The following JPH2 variants were observed in gnomAD, a reference collection of about 807,000 sequenced individuals.
The protein encoded by JPH2 is junctophilin-2.
A neutral mutation model predicts 55.9 loss-of-function variants in JPH2; 38 were observed. That is an observed-to-expected ratio of 0.68 (90% CI 0.52 to 0.89). The LOEUF is 0.89. Ranked by LOEUF, JPH2 falls within the 40% of genes least tolerant of loss-of-function variation. The pLI is 0.00. For synonymous variants in JPH2, 480 were observed against 472.4 expected, an observed-to-expected ratio of 1.02 and a Z score of -0.21; for missense variants, 964 against 1,037.6, an observed-to-expected ratio of 0.93 and a Z score of 0.97.
chr20:44,117,694 G>A (rs570591821), intron 3 of JPH2, among the ~76,000 whole-genome samples: 1 of 152,276 alleles, frequency 6.6e-6, no homozygotes, highest in Admixed American at 6.5e-5. Context: ...TGTTCAGCCT[G>A]CAAGATTCAG....
intron 2 of JPH2, among the ~76,000 whole-genome samples, chr20:44,126,261 G>A (rs2072276670): frequency 6.6e-6 from 1 of 151,912 alleles, no homozygotes; most frequent in South Asian, 2.1e-4. Flanking sequence ...AATCCTGAAT[G>A]TCCTAAATGC....
At chr20:44,163,857 A>G (rs1158568064) in intron 1 of JPH2, among the ~76,000 whole-genome samples, 2 of 152,242 alleles carry the variant, frequency 1.3e-5, no homozygotes, top group Non-Finnish European at 2.9e-5. Context: ...ACAGCAAGAA[A>G]GAACAGCCAG....
chr20:44,180,480 T>C (rs947054044), intron 1 of JPH2, among the ~76,000 whole-genome samples: 1 of 152,092 alleles, frequency 6.6e-6, no homozygotes, highest in Admixed American at 6.6e-5. Flanking sequence ...TATAGGCATG[T>C]GCCACCATGT....
chr20:44,171,272 C>A (rs6073357), intron 1 of JPH2, among the ~76,000 whole-genome samples: 1 of 151,948 alleles, frequency 6.6e-6, no homozygotes, highest in Admixed American at 6.6e-5. Context: ...TCAACTGATC[C>A]CAGGGGGATT....
chr20:44,111,127 G>A lies in JPH2; in HGVS notation c.*2391C>T, dbSNP rs573089682. Among the ~76,000 whole-genome samples the A allele has an allele frequency of 4.6e-5, 7 of 152,270 alleles. No individual in the cohort carries two copies. The East Asian group carries it at 9.7e-4, about 21-fold the overall frequency. ...GCTCTAAGCCTCTGTGGAATGTGGC[G>A]ATCCCCTCAGGCTCCCCCACTGATT... On this transcript the variant is annotated 3_prime_UTR_variant, in exon 6 of 6. Coordinates refer to ENST00000372980, the MANE Select transcript of JPH2 (RefSeq NM_020433.5).
intron 2 of JPH2, among the ~76,000 whole-genome samples, chr20:44,137,093 C>G (rs1423265968): frequency 6.6e-6 from 1 of 152,186 alleles, no homozygotes; most frequent in Non-Finnish European, 1.5e-5. Flanking sequence ...CAGCATTGTG[C>G]CCAGCACATA....
Position 44,110,062 on chromosome 20 carries a change from G to C in JPH2, c.*3456C>G, listed in dbSNP as rs2072131449. Among the ~76,000 whole-genome samples the C allele has an allele frequency of 6.6e-6, 1 of 152,174 alleles. No individual in the cohort carries two copies. Among genetic ancestry groups the C allele is most frequent in the South Asian group, 2.1e-4 (1 of 4,830 alleles). ...AGATTAGAAGAGGAGGCATCGGCCT[G>C]GCTGTGTCCTACCCTTGAGCCAACA... is the stretch of plus-strand genomic sequence containing the variant. On this transcript the variant is annotated 3_prime_UTR_variant, in exon 6 of 6. Transcript: ENST00000372980.
chr20:44,124,717 C>G (rs1569185955), intron 2 of JPH2, among the ~76,000 whole-genome samples: 1 of 151,602 alleles, frequency 6.6e-6, no homozygotes, highest in Non-Finnish European at 1.5e-5. Flanking sequence ...CATTCCAGGG[C>G]ACGGGTCAGC....
chr20:44,112,439 A>G lies in JPH2; in HGVS notation c.*1079T>C, dbSNP rs1333586254. 8.2e-6 allele frequency: 1 copy of G among 121,642 alleles called. No individual in the cohort carries two copies. The allele number at this position is 121,642 out of a possible 1,614,324, so 7.5% of individuals were successfully genotyped here. A position where few individuals can be genotyped will look rare whatever the true frequency, so the allele number is the denominator to read the frequency against. On this transcript the variant is annotated 3_prime_UTR_variant, in exon 6 of 6. Transcript: ENST00000372980. ...TCTACCAAGTAAGCCAAAGGGGCTT[A>G]TAACTGCACCCAGGCTGTACCCAGT...
In JPH2 at chr20:44,116,286, TG is replaced by T; in HGVS notation, c.1388del (p.Pro463HisfsTer45). ...GCTGCGGGCTCTCGCGGGGCGGCTG[TG>T]GGAGGCCCGCTGCGCCGGCGCCCCG... ...PDRGAGAAGL[P>X]QPPRESPQLH... On this transcript the variant is annotated frameshift_variant, in exon 4 of 6. Transcript: ENST00000372980. LOFTEE classifies it high-confidence loss of function. 1 of 1,537,272 alleles carries T rather than the reference TG, an allele frequency of 6.5e-7. No individual in the cohort carries two copies.
At chr20:44,169,379 T>A (rs963779200) in intron 1 of JPH2, among the ~76,000 whole-genome samples, 1 of 152,098 alleles carries the variant, frequency 6.6e-6, no homozygotes, top group Non-Finnish European at 1.5e-5. Flanking sequence ...GGTTTTTCAC[T>A]GTATTGGCCA....
chr20:44,122,719 G>C (rs1600833209), intron 2 of JPH2, among the ~76,000 whole-genome samples: 1 of 152,312 alleles, frequency 6.6e-6, no homozygotes, highest in East Asian at 1.9e-4. Context: ...TGGTCTTGAT[G>C]ATGACGATGA....
chr20:44,178,177 A>G (rs2072750875), intron 1 of JPH2, among the ~76,000 whole-genome samples: 1 of 152,200 alleles, frequency 6.6e-6, no homozygotes, highest in Non-Finnish European at 1.5e-5. Flanking sequence ...AAACTATTTT[A>G]AGTTAAAAGA....
intron 2 of JPH2, among the ~76,000 whole-genome samples, chr20:44,155,310 T>C (rs2072557945): frequency 6.6e-6 from 1 of 152,108 alleles, no homozygotes; most frequent in South Asian, 2.1e-4. Flanking sequence ...GGGTTCCAAT[T>C]CATGGTCTTC....
intron 2 of JPH2, among the ~76,000 whole-genome samples, chr20:44,134,923 ATTT>A (rs2072398318): frequency 2.1e-5 from 1 of 47,930 alleles, no homozygotes; most frequent in African/African-American, 7.1e-5. Context: ...AAATATATAT[ATTT>A]ATATATATAT....
chr20:44,115,789 G>A lies in JPH2; in HGVS notation c.1886C>T (p.Pro629Leu). 1 of 1,609,864 alleles carries A rather than the reference G, an allele frequency of 6.2e-7. No individual in the cohort carries two copies. The highest frequency in any genetic ancestry group is 8.5e-7 in the Non-Finnish European group (1 of 1,179,826). Residue 629 changes from proline to leucine, a missense_variant, in exon 4 of 6, where the codon CCC becomes CTC. Transcript: ENST00000372980. ...PAKLEPKPII[P>L]KAEPRAKARK... ...GGCCTTGGCCCTGGGCTCGGCTTTG[G>A]GGATGATGGGCTTGGGCTCCAGCTT...
intron 2 of JPH2, among the ~76,000 whole-genome samples, chr20:44,139,155 CA>C (rs746592589): frequency 2.6e-5 from 4 of 152,176 alleles, no homozygotes; most frequent in Non-Finnish European, 5.9e-5. Context: ...TTTTTCCCCC[CA>C]AGGACAAGGC....
intron 3 of JPH2, among the ~76,000 whole-genome samples, chr20:44,117,056 G>C: frequency 6.6e-6 from 1 of 152,196 alleles, no homozygotes; most frequent in Non-Finnish European, 1.5e-5. Context: ...CGAGGCGCGC[G>C]GATCACAAGG....
intron 1 of JPH2, among the ~76,000 whole-genome samples, chr20:44,170,380 A>T (rs1296925651): frequency 6.6e-6 from 1 of 152,214 alleles, no homozygotes; most frequent in Non-Finnish European, 1.5e-5. Flanking sequence ...TCCTTCTCCA[A>T]GTCCTCTCAC....
Sources: allele counts gnomAD v4.1 joint callset (sites outside exome capture counted in the v4.1 genomes callset), GRCh38; gene constraint gnomAD v4.1.1; transcripts MANE v1.5; gene names NCBI Gene and HGNC (gene_info 2026-07-23, HGNC 2026-07-21).